Variants in DCTD observed in about 807,000 individuals in gnomAD.
The protein encoded by DCTD is deoxycytidylate deaminase.
In DCTD, 23 loss-of-function variants were observed where a neutral mutation model predicts 21.0. The ratio of observed to expected loss-of-function variants is 1.09; its 90% CI spans 0.79 to 1.55. The LOEUF (loss-of-function observed/expected upper bound fraction) is 1.55, where lower values mean the gene tolerates loss of function less well. Among genes scored for constraint, DCTD ranks in the 40% most tolerant of loss-of-function variants. The pLI is 0.00. For missense variants in DCTD, 224 were observed against 230.0 expected (o/e 0.97, Z 0.17); for synonymous variants, 71 against 81.1 (o/e 0.88, Z 0.67).
intron 3 of DCTD, among the ~76,000 whole-genome samples, chr4:182,897,839 C>T (rs542748937): frequency 3.3e-4 from 50 of 152,334 alleles, no homozygotes; most frequent in African/African-American, 1.1e-3. Context: ...CCCTTCGTAA[C>T]TCCCAGCTGC....
chr4:182,916,443 A>G (rs1390566925), intron 1 of DCTD: 8 of 985,548 alleles, frequency 8.1e-6, no homozygotes, highest in Non-Finnish European at 8.4e-6. Flanking sequence ...GAGAAAGGCG[A>G]GGAATGTGGT....
rs771818941 is a variant in DCTD at position 182,914,991 on chromosome 4, C to T, written c.176G>A (p.Gly59Glu). The T allele has an allele frequency of 6.2e-6, 10 of 1,614,022 alleles. No individual in the cohort carries two copies. Among genetic ancestry groups the T allele is most frequent in the Non-Finnish European group, 8.5e-7 (1 of 1,180,024 alleles). ...VGIGYNGMPNGCSDDVLPWRR... is the reference protein window; with the variant it reads ...VGIGYNGMPNECSDDVLPWRR... ...CCAAGGCAACACGTCATCACTGCAC[C>T]CATTTGGCATCCCATTGTACCCAAT... Residue 59 changes from glycine to glutamate, a missense_variant, in exon 3 of 6, where the codon GGG (glycine) becomes GAG (glutamate). Coordinates refer to ENST00000438320, the MANE Select transcript of DCTD (RefSeq NM_001921.3).
chr4:182,906,307 T>G (rs1736706788), intron 3 of DCTD, among the ~76,000 whole-genome samples: 2 of 152,078 alleles, frequency 1.3e-5, no homozygotes, highest in East Asian at 3.9e-4. Flanking sequence ...AAAAAGTGAC[T>G]GCCTCAGAAA....
In DCTD at chr4:182,894,625, G is replaced by A; in HGVS notation, c.245-20C>T. 1 of 1,556,394 alleles carries A rather than the reference G, an allele frequency of 6.4e-7. No individual in the cohort carries two copies. The highest frequency in any genetic ancestry group is 8.9e-7 in the Non-Finnish European group (1 of 1,127,984). On this transcript the variant is annotated intron_variant, in intron 3 of 5. Coordinates refer to ENST00000438320, the MANE Select transcript of DCTD (RefSeq NM_001921.3). ...GGCACACTGTGGGTTGAAAGGGAAA[G>A]AAAGAAAAACTTTGGTTGCAGCTCA...
chr4:182,890,113 A>G lies in DCTD; in HGVS notation c.*1286T>C, dbSNP rs1733489936. ...ACATGCTTTGGTAGGGTAGATTTTA[A>G]TAAGATTTTAATAATATTGGTAAGG... On this transcript the variant is annotated 3_prime_UTR_variant, in exon 6 of 6. Transcript: ENST00000438320. 1 of 152,224 alleles carries G rather than the reference A, an allele frequency of 6.6e-6. No individual in the cohort carries two copies. The allele number at this position is 152,224 out of a possible 1,614,324, so 9.4% of individuals were successfully genotyped here.
chr4:182,917,271 G>T lies in DCTD; in HGVS notation c.-8+40C>A. The T allele has an allele frequency of 9.7e-7, 1 of 1,030,580 alleles. No homozygotes were observed. The highest frequency in any genetic ancestry group is 1.2e-6 in the Non-Finnish European group (1 of 861,226). 63.8% of individuals were successfully genotyped at this position (1,030,580 alleles called of 1,614,324 possible). The stretch of plus-strand genomic sequence containing the variant: ...CGGTGCCACGCGGCGGTGGCTAGGG[G>T]CGCGCGGGCCGCGTACCCGCACGGC... On this transcript the variant is annotated intron_variant, in intron 1 of 5. Transcript: ENST00000438320. This position sits in a 1 kb window ranked among gnomAD's most constrained non-coding sequence, Gnocchi z 4.9.
chr4:182,895,805 G>C (rs1257388487), intron 3 of DCTD, among the ~76,000 whole-genome samples: 6 of 152,222 alleles, frequency 3.9e-5, no homozygotes, highest in Non-Finnish European at 5.9e-5. Flanking sequence ...AAAATACAGA[G>C]ATCTGTGCCC....
intron 2 of DCTD, 37 bp downstream of exon 2, chr4:182,915,424 G>A (rs757735267): frequency 3.0e-6 from 4 of 1,323,994 alleles, no homozygotes; most frequent in Non-Finnish European, 3.3e-6. Context: ...CTCTTTGCCT[G>A]TGAGTATCTA....
chr4:182,903,445 AGT>A (rs1337963161), intron 3 of DCTD, among the ~76,000 whole-genome samples: 2 of 152,070 alleles, frequency 1.3e-5, no homozygotes, highest in Admixed American at 1.3e-4. Flanking sequence ...TGACAGTGTA[AGT>A]GTGTGTGTGA....
At chr4:182,892,973 C>T in intron 5 of DCTD, 58 bp downstream of exon 5, 1 of 1,030,210 alleles carries the variant, frequency 9.7e-7, no homozygotes, top group Non-Finnish European at 1.5e-6. Context: ...AGGTCAAATA[C>T]ATCTCTTCAT....
chr4:182,913,058 C>A (rs556646040), intron 3 of DCTD, among the ~76,000 whole-genome samples: 1 of 152,210 alleles, frequency 6.6e-6, no homozygotes, highest in Non-Finnish European at 1.5e-5. Context: ...TCCACTTTCA[C>A]CATTTTTATA....
chr4:182,909,059 C>T (rs540403699), intron 3 of DCTD, among the ~76,000 whole-genome samples: 3 of 152,298 alleles, frequency 2.0e-5, no homozygotes, highest in Admixed American at 2.0e-4. Context: ...CATGTGTGCT[C>T]TTCAAAACAA....
chr4:182,895,401 C>T (rs1428189558), intron 3 of DCTD, among the ~76,000 whole-genome samples: 1 of 152,188 alleles, frequency 6.6e-6, no homozygotes, highest in Non-Finnish European at 1.5e-5. Context: ...AAACATTCAT[C>T]CACTTAAATG....
At chr4:182,894,627 A>G (rs1175053657) in intron 3 of DCTD, 22 bp from the exon 4 acceptor site, 11 of 1,538,224 alleles carry the variant, frequency 7.2e-6, no homozygotes, top group Non-Finnish European at 9.0e-6. Flanking sequence ...AAGGGAAAGA[A>G]AGAAAAACTT....
At chr4:182,896,172 AC>A (rs1734694764) in intron 3 of DCTD, among the ~76,000 whole-genome samples, 2 of 152,080 alleles carry the variant, frequency 1.3e-5, no homozygotes, top group South Asian at 2.1e-4. Context: ...TTCAGTCCCG[AC>A]TCACTTGCTT....
Position 182,917,133 on chromosome 4 carries a change from C to T in DCTD, c.-8+178G>A, listed in dbSNP as rs1239880385. 3.0e-6 allele frequency: 3 copies of T among 987,678 alleles called. No individual in the cohort carries two copies. The highest frequency in any genetic ancestry group is 3.6e-6 in the Non-Finnish European group (3 of 831,824). 61.2% of individuals were successfully genotyped at this position (987,678 alleles called of 1,614,324 possible). A position where few individuals can be genotyped will look rare whatever the true frequency, so the allele number is the denominator to read the frequency against. On this transcript the variant is annotated intron_variant, in intron 1 of 5. Transcript: ENST00000438320. This position sits in a 1 kb window ranked among gnomAD's most constrained non-coding sequence, Gnocchi z 4.9. ...AGTGACTGCGGGGACCCCGAGCGCC[C>T]CCACCCCGCCCGCATTCTCCGATCT...
At chr4:182,917,417 G>A, upstream of DCTD, 7 of 1,023,618 alleles carry the variant, frequency 6.8e-6, no homozygotes, top group Non-Finnish European at 8.3e-6. The surrounding 1 kb of genome is among the most constrained non-coding windows in gnomAD (Gnocchi z 4.9). Context: ...CCGGAAGGGG[G>A]CAGCGGCCCG....
At chr4:182,903,504 C>T (rs137905653) in intron 3 of DCTD, among the ~76,000 whole-genome samples, 18 of 152,252 alleles carry the variant, frequency 1.2e-4, no homozygotes, top group African/African-American at 2.9e-4. Flanking sequence ...CCGCCGCATG[C>T]GTGGAAAATG....
chr4:182,897,138 G>A (rs985026518), intron 3 of DCTD, among the ~76,000 whole-genome samples: 2 of 152,148 alleles, frequency 1.3e-5, no homozygotes, highest in African/African-American at 4.8e-5. Flanking sequence ...GGATTCATTA[G>A]TGAAAATTAC....
Sources: gnomAD v4.1 joint callset for allele counts (sites outside exome capture counted in the v4.1 genomes callset) on GRCh38, gnomAD v4.1.1 for gene constraint, Gnocchi (gnomAD v3.1) non-coding constraint, MANE v1.5 for transcripts, NCBI Gene and HGNC (gene_info 2026-07-23, HGNC 2026-07-21) for gene names.